DGKB: variants seen among roughly 807,000 people sequenced by gnomAD.
DGKB encodes diacylglycerol kinase beta.
DGKB carries 67 observed loss-of-function variants against 114.3 expected under a neutral mutation model. That is an observed-to-expected ratio of 0.59 (90% CI 0.48 to 0.72). The LOEUF (loss-of-function observed/expected upper bound fraction) is 0.72. DGKB is among the 30% of genes least tolerant of loss of function. The pLI is 0.00. For missense variants in DGKB, 907 were observed against 975.2 expected, an observed-to-expected ratio of 0.93 and a Z score of 0.93; for synonymous variants, 398 against 323.1, an observed-to-expected ratio of 1.23 and a Z score of -2.49.
At chr7:14,467,533 C>T (rs1186172745) in intron 21 of DGKB, among the ~76,000 whole-genome samples, 1 of 151,882 alleles carries the variant, frequency 6.6e-6, no homozygotes, top group African/African-American at 2.4e-5. Context: ...AATTATTATG[C>T]TGACTGAAGT....
At chr7:14,654,733 C>T (rs1815409097) in intron 13 of DGKB, among the ~76,000 whole-genome samples, 1 of 151,882 alleles carries the variant, frequency 6.6e-6, no homozygotes, top group African/African-American at 2.4e-5. Context: ...ATGTATTTTA[C>T]AGTCAACTCA....
chr7:14,769,458 A>G lies in DGKB; in HGVS notation c.71-11727T>C, dbSNP rs190024361. ...GACCGATGTGCTTATATTACAAAGA[A>G]CATTCTCAGTCATGTTGATATTGGG... On this transcript the variant is annotated intron_variant, in intron 2 of 25. Coordinates refer to ENST00000402815, the MANE Select transcript of DGKB (RefSeq NM_001350709.2). 1.0e-3 allele frequency among the ~76,000 whole-genome samples: 158 copies of G among 152,058 alleles called. 1 individual carries two copies. In the Middle Eastern group the frequency reaches 0.014, roughly 13 times the overall value.
At chr7:14,424,234 C>T (rs1583834906) in intron 21 of DGKB, among the ~76,000 whole-genome samples, 2 of 151,728 alleles carry the variant, frequency 1.3e-5, no homozygotes, top group African/African-American at 2.4e-5. Context: ...CCTCATTCTC[C>T]CTGCCCAGTT....
intron 21 of DGKB, among the ~76,000 whole-genome samples, chr7:14,420,078 C>CT (rs544608436): frequency 3.3e-5 from 5 of 151,904 alleles, no homozygotes; most frequent in South Asian, 2.1e-4. Context: ...ATTATTTTAA[C>CT]TTTTTTTAGA....
At position 14,685,373 on chromosome 7, in the gene DGKB, C is replaced by T. The variant is rs191905156; in HGVS notation, c.712-11G>A. The stretch of plus-strand genomic sequence containing the variant: ...ATCATCCTTCACGTTCTGCATGGGA[C>T]GTAAGAGAAACAGATTTCACTTAAT... On this transcript the variant is annotated splice_polypyrimidine_tract_variant and intron_variant, in intron 9 of 25. Transcript: ENST00000402815. 2.1e-5 allele frequency: 34 copies of T among 1,591,090 alleles called. No individual in the cohort carries two copies. The highest frequency in any genetic ancestry group is 2.7e-5 in the African/African-American group (2 of 74,516).
chr7:14,651,436 C>G (rs1362653136), intron 13 of DGKB, among the ~76,000 whole-genome samples: 1 of 143,726 alleles, frequency 7.0e-6, no homozygotes, highest in Non-Finnish European at 1.5e-5. Context: ...AGGCCTTTGA[C>G]AAAATTCAAC....
intron 21 of DGKB, among the ~76,000 whole-genome samples, chr7:14,470,632 C>A (rs183031161): frequency 6.6e-6 from 1 of 151,712 alleles, no homozygotes; most frequent in African/African-American, 2.4e-5. Flanking sequence ...ATGTTAAAAG[C>A]CTTCAGAGGA....
At chr7:14,900,283 G>A (rs763818263) in intron 1 of DGKB, among the ~76,000 whole-genome samples, 11 of 152,286 alleles carry the variant, frequency 7.2e-5, no homozygotes, top group Middle Eastern at 3.4e-3. Context: ...GAATGCTATT[G>A]CTGGAAGAGA....
intron 5 of DGKB, among the ~76,000 whole-genome samples, chr7:14,734,698 G>T (rs919210771): frequency 6.6e-6 from 1 of 152,020 alleles, no homozygotes; most frequent in Non-Finnish European, 1.5e-5. Context: ...ATAATAATGG[G>T]TTATTTTTTG....
chr7:14,618,602 T>C (rs1356751908), intron 15 of DGKB, among the ~76,000 whole-genome samples: 1 of 151,568 alleles, frequency 6.6e-6, no homozygotes, highest in Non-Finnish European at 1.5e-5. Context: ...GTATTAAGTG[T>C]AAACCTATGG....
intron 23 of DGKB, among the ~76,000 whole-genome samples, chr7:14,295,006 G>A (rs1451168115): frequency 6.6e-6 from 1 of 152,046 alleles, no homozygotes; most frequent in Non-Finnish European, 1.5e-5. Flanking sequence ...TTGAGGAAGG[G>A]CATCCATCAA....
intron 21 of DGKB, among the ~76,000 whole-genome samples, chr7:14,387,970 C>G (rs1012656267): frequency 3.3e-5 from 5 of 151,444 alleles, no homozygotes; most frequent in African/African-American, 7.3e-5. Flanking sequence ...ACCTCCACCC[C>G]CCGGGTTAAA....
intron 20 of DGKB, among the ~76,000 whole-genome samples, chr7:14,506,564 T>A (rs531798305): frequency 6.6e-6 from 1 of 152,306 alleles, no homozygotes; most frequent in South Asian, 2.1e-4. Context: ...AAATAAGAGT[T>A]TTGATTTCAT....
At chr7:14,673,051 G>A (rs367911510) in intron 12 of DGKB, 24 bp from the exon 13 acceptor site, 1 of 1,425,118 alleles carries the variant, frequency 7.0e-7, no homozygotes, top group East Asian at 2.5e-5. Flanking sequence ...AAGGGGGATA[G>A]TATCAAATTC....
Position 14,338,570 on chromosome 7 carries a change from C to T in DGKB, c.2067G>A (p.Gly689=). The T allele has an allele frequency of 6.2e-7, 1 of 1,608,572 alleles. No individual in the cohort carries two copies. The highest frequency in any genetic ancestry group is 8.5e-7 in the Non-Finnish European group (1 of 1,177,392). ...RRSHRRIEKK[G]SDKRTTVTDA... The stretch of plus-strand genomic sequence containing the variant: ...CTGTGACGGTGGTCCTTTTGTCAGA[C>T]CCTTTTTTCTCTATTCGTCGATGGC... The change falls in exon 23 of 26, where the codon GGG becomes GGA. Residue 689 remains glycine, a synonymous_variant. Transcript: ENST00000402815.
chr7:14,704,515 C>G, intron 6 of DGKB, among the ~76,000 whole-genome samples: 1 of 151,654 alleles, frequency 6.6e-6, no homozygotes, highest in Non-Finnish European at 1.5e-5. Context: ...AGGAACAGCT[C>G]CGGTCTACAG....
At chr7:14,860,052 A>C (rs1384638620) in intron 1 of DGKB, among the ~76,000 whole-genome samples, 1 of 152,122 alleles carries the variant, frequency 6.6e-6, no homozygotes, top group Non-Finnish European at 1.5e-5. Flanking sequence ...GACAAAAAGA[A>C]AACAGTTTCT....
intron 25 of DGKB, among the ~76,000 whole-genome samples, chr7:14,165,480 G>T (rs1378869095): frequency 2.0e-5 from 3 of 152,048 alleles, no homozygotes; most frequent in Non-Finnish European, 2.9e-5. Flanking sequence ...CCCTATTCCT[G>T]CTATAAATCC....
chr7:14,673,064 C>CT (rs747625811), intron 12 of DGKB, 37 bp from the exon 13 acceptor site: 3 of 1,204,934 alleles, frequency 2.5e-6, no homozygotes, highest in Non-Finnish European at 3.6e-6. Flanking sequence ...TCAAATTCTA[C>CT]ATGACAACGC....
Sources: gnomAD v4.1 joint callset for allele counts (sites outside exome capture counted in the v4.1 genomes callset) on GRCh38, gnomAD v4.1.1 for gene constraint, MANE v1.5 for transcripts, NCBI Gene and HGNC (gene_info 2026-07-23, HGNC 2026-07-21) for gene names.